SORCS1: variants seen among roughly 807,000 people sequenced by gnomAD.
SORCS1 encodes VPS10 domain-containing receptor SorCS1.
SORCS1 carries 60 observed loss-of-function variants against 146.1 expected under a neutral mutation model. The observed-to-expected ratio is 0.41, with a 90% CI of 0.33 to 0.51. SORCS1 has a LOEUF of 0.51. SORCS1 is among the 20% of genes least tolerant of loss of function. SORCS1 has a pLI of 0.21. For synonymous variants in SORCS1, 637 were observed against 584.0 expected (o/e 1.09, Z -1.31); for missense variants, 1,352 against 1,487.6 (o/e 0.91, Z 1.50).
At chr10:106,704,821 A>T (rs1482900148) in intron 8 of SORCS1, among the ~76,000 whole-genome samples, 2 of 152,208 alleles carry the variant, frequency 1.3e-5, no homozygotes, top group East Asian at 3.8e-4. Context: ...TACATTGAGG[A>T]TAATTCTTTT....
intron 2 of SORCS1, among the ~76,000 whole-genome samples, chr10:106,915,304 A>G (rs1303003956): frequency 2.0e-5 from 3 of 152,158 alleles, no homozygotes; most frequent in Non-Finnish European, 4.4e-5. Flanking sequence ...AAGCCCTATC[A>G]TTTACTCCCT....
intron 1 of SORCS1, among the ~76,000 whole-genome samples, chr10:107,105,167 A>T (rs1189153160): frequency 1.3e-5 from 2 of 152,238 alleles, no homozygotes; most frequent in Non-Finnish European, 2.9e-5. Context: ...GCCTAAATGA[A>T]GAAATGAGTT....
chr10:107,102,295 C>T (rs547075585), intron 1 of SORCS1, among the ~76,000 whole-genome samples: 15 of 152,202 alleles, frequency 9.9e-5, no homozygotes, highest in East Asian at 5.8e-4. Context: ...GGAAGGAAAA[C>T]GTATGGCCCT....
intron 3 of SORCS1, among the ~76,000 whole-genome samples, chr10:106,787,702 G>T (rs1052380162): frequency 6.6e-6 from 1 of 152,152 alleles, no homozygotes; most frequent in Non-Finnish European, 1.5e-5. Flanking sequence ...CAAACAACAC[G>T]ATCTTTTATG....
intron 12 of SORCS1, 31 bp from the exon 13 acceptor site, chr10:106,677,435 C>G: frequency 6.4e-7 from 1 of 1,556,914 alleles, no homozygotes; most frequent in Non-Finnish European, 8.9e-7. Flanking sequence ...CATGGACACA[C>G]ATCCACATCC....
chr10:106,680,767 T>C (rs1852380126), intron 10 of SORCS1, among the ~76,000 whole-genome samples: 1 of 152,240 alleles, frequency 6.6e-6, no homozygotes, highest in African/African-American at 2.4e-5. Context: ...CTTATCAACT[T>C]GAGTTTCTGG....
intron 1 of SORCS1, among the ~76,000 whole-genome samples, chr10:107,048,099 G>A (rs1011721458): frequency 5.3e-5 from 8 of 151,902 alleles, no homozygotes; most frequent in African/African-American, 1.9e-4. Flanking sequence ...ACAACAAAAA[G>A]ACTTTACTCT....
At chr10:106,779,786 C>T (rs1170824025) in intron 3 of SORCS1, among the ~76,000 whole-genome samples, 1 of 151,988 alleles carries the variant, frequency 6.6e-6, no homozygotes, top group Non-Finnish European at 1.5e-5. Context: ...CTGTGCCCAG[C>T]CCCCCAAATA....
At chr10:106,777,141 T>A (rs1346454608) in intron 3 of SORCS1, among the ~76,000 whole-genome samples, 1 of 152,174 alleles carries the variant, frequency 6.6e-6, no homozygotes, top group African/African-American at 2.4e-5. Context: ...ACCTCGAATC[T>A]TTTCATTCCA....
intron 10 of SORCS1, among the ~76,000 whole-genome samples, chr10:106,683,261 T>C (rs1852580136): frequency 1.3e-5 from 2 of 152,236 alleles, no homozygotes; most frequent in African/African-American, 4.8e-5. Flanking sequence ...TCCATTATTA[T>C]TGTTTACTTC....
chr10:107,135,484 T>G (rs1324820369), intron 1 of SORCS1, among the ~76,000 whole-genome samples: 1 of 152,224 alleles, frequency 6.6e-6, no homozygotes, highest in Non-Finnish European at 1.5e-5. Context: ...AAACGTAACT[T>G]TAATTGTATC....
intron 17 of SORCS1, among the ~76,000 whole-genome samples, chr10:106,661,867 T>C (rs1276192915): frequency 6.6e-6 from 1 of 152,246 alleles, no homozygotes; most frequent in Non-Finnish European, 1.5e-5. Context: ...CCAGCCTCCT[T>C]GCTTTCCACC....
At chr10:106,818,323 A>G (rs1276658059) in intron 3 of SORCS1, among the ~76,000 whole-genome samples, 1 of 152,174 alleles carries the variant, frequency 6.6e-6, no homozygotes, top group African/African-American at 2.4e-5. Flanking sequence ...ACCTGAAAAT[A>G]AATTACATTA....
At chr10:106,854,037 TG>T (rs1457342106) in intron 2 of SORCS1, among the ~76,000 whole-genome samples, 2 of 151,978 alleles carry the variant, frequency 1.3e-5, no homozygotes, top group Non-Finnish European at 2.9e-5. Context: ...TGTTCATTTT[TG>T]AAAGACGATG....
intron 19 of SORCS1, among the ~76,000 whole-genome samples, chr10:106,625,618 AAT>A (rs1848057485): frequency 6.6e-6 from 1 of 152,122 alleles, no homozygotes; most frequent in Non-Finnish European, 1.5e-5. Context: ...TGATGGTGTG[AAT>A]GGTCGAAAAA....
chr10:106,680,395 C>T (rs1256311037), intron 10 of SORCS1, among the ~76,000 whole-genome samples: 1 of 152,164 alleles, frequency 6.6e-6, no homozygotes, highest in Admixed American at 6.5e-5. Flanking sequence ...AGTCATTCTC[C>T]ATTTGAGACC....
At chr10:106,615,329 G>T (rs1373104581) in intron 21 of SORCS1, among the ~76,000 whole-genome samples, 1 of 152,182 alleles carries the variant, frequency 6.6e-6, no homozygotes. Flanking sequence ...CCTAAGCAGT[G>T]ATTAACTCAC....
chr10:106,803,880 C>T (rs770883041), intron 3 of SORCS1, among the ~76,000 whole-genome samples: 7 of 152,124 alleles, frequency 4.6e-5, no homozygotes, highest in African/African-American at 4.8e-5. Context: ...TCTGCAAGGA[C>T]ATTTTTCATA....
intron 21 of SORCS1, among the ~76,000 whole-genome samples, chr10:106,616,616 T>C (rs1054905620): frequency 2.6e-5 from 4 of 152,108 alleles, no homozygotes; most frequent in African/African-American, 7.2e-5. Flanking sequence ...TAATGGGACA[T>C]TGGTAGGAAA....
Sources: allele counts gnomAD v4.1 joint callset (sites outside exome capture counted in the v4.1 genomes callset), GRCh38; gene constraint gnomAD v4.1.1; transcripts MANE v1.5; gene names NCBI Gene and HGNC (gene_info 2026-07-23, HGNC 2026-07-21).